The following TENM3 variants were observed in gnomAD, a reference collection of about 807,000 sequenced individuals.
The protein encoded by TENM3 is teneurin transmembrane protein 3.
A neutral mutation model predicts 255.1 loss-of-function variants in TENM3; 63 were observed. The ratio of observed to expected loss-of-function variants is 0.25; its 90% confidence interval spans 0.20 to 0.30. The LOEUF (loss-of-function observed/expected upper bound fraction) is 0.30. Ranked by LOEUF, TENM3 falls within the 10% of genes least tolerant of loss-of-function variation. TENM3 has a pLI of 1.00. For missense variants in TENM3, 2,929 were observed against 3,461.1 expected (o/e 0.85, Z 3.86); for synonymous variants, 1,306 against 1,322.3 (o/e 0.99, Z 0.27).
At position 182,259,742 on chromosome 4, in the gene TENM3, A is replaced by G. The variant is rs568255339; in HGVS notation, c.-76+16266A>G. 2.7e-5 allele frequency among the ~76,000 whole-genome samples: 4 copies of G among 149,136 alleles called. No homozygotes were observed. In the East Asian group the frequency reaches 7.9e-4, roughly 30 times the overall value. On this transcript the variant is annotated intron_variant, in intron 1 of 27. Transcript: ENST00000511685. The stretch of plus-strand genomic sequence containing the variant: ...AACTGGGATATCCATCACCTTAAAT[A>G]GTTGTCTTTTCTTTATGCTGGAAAT...
In TENM3 at chr4:182,672,997, A is replaced by G; in HGVS notation, c.1112-8A>G. On this transcript the variant is annotated splice_polypyrimidine_tract_variant and splice_region_variant and intron_variant, in intron 6 of 27. Transcript: ENST00000511685. The stretch of plus-strand genomic sequence containing the variant: ...TTTGTTCTTCATCAGTGCATCTCTT[A>G]CATTCAGGAAAATTAGGTGGATTTA... The G allele has an allele frequency of 1.3e-6, 2 of 1,561,600 alleles. No homozygotes were observed. The highest frequency in any genetic ancestry group is 1.7e-6 in the Non-Finnish European group (2 of 1,148,226).
intron 5 of TENM3, among the ~76,000 whole-genome samples, chr4:182,650,483 C>T (rs573538334): frequency 6.7e-6 from 1 of 150,114 alleles, no homozygotes; most frequent in Non-Finnish European, 1.5e-5. Context: ...TTTTATTTGG[C>T]GAATTTTCCC....
chr4:182,306,979 C>T (rs183519722), intron 1 of TENM3, among the ~76,000 whole-genome samples: 1 of 152,316 alleles, frequency 6.6e-6, no homozygotes, highest in Admixed American at 6.5e-5. Context: ...GTCTCATTTA[C>T]ATCACAGCAA....
At position 182,752,049 on chromosome 4, in the gene TENM3, A is replaced by T; in HGVS notation, c.3862+17A>T. On this transcript the variant is annotated intron_variant, in intron 20 of 27. Coordinates refer to ENST00000511685, the MANE Select transcript of TENM3 (RefSeq NM_001080477.4). The stretch of plus-strand genomic sequence containing the variant: ...GTCCCAAAGGTACCGGCAGTTGGCG[A>T]TTTGAGGATTTCTTTTTATTTATTA... 2 of 1,331,766 alleles carry T rather than the reference A, an allele frequency of 1.5e-6. No individual in the cohort carries two copies. The highest frequency in any genetic ancestry group is 2.0e-6 in the Non-Finnish European group (2 of 987,748). 82.5% of individuals were successfully genotyped at this position (1,331,766 alleles called of 1,614,324 possible).
chr4:181,722,464 T>C, the TENM3 span, among the ~76,000 whole-genome samples: 2 of 152,202 alleles, frequency 1.3e-5, no homozygotes, highest in Non-Finnish European at 2.9e-5. Flanking sequence ...ACATTGACTA[T>C]AGACCACTCT....
the TENM3 span, among the ~76,000 whole-genome samples, chr4:181,803,833 G>T: frequency 6.6e-6 from 1 of 151,740 alleles, no homozygotes; most frequent in African/African-American, 2.4e-5. Context: ...CTACTTGGGA[G>T]GCTGAGATGG....
At chr4:181,619,971 A>G in the TENM3 span, among the ~76,000 whole-genome samples, 1 of 152,178 alleles carries the variant, frequency 6.6e-6, no homozygotes, top group Non-Finnish European at 1.5e-5. Context: ...TTGATGTGTA[A>G]CAAACTATAT....
At chr4:181,452,483 G>T in the TENM3 span, among the ~76,000 whole-genome samples, 1 of 152,022 alleles carries the variant, frequency 6.6e-6, no homozygotes, top group Non-Finnish European at 1.5e-5. Context: ...GAGATCTGAT[G>T]GTTGTGTAAG....
the TENM3 span, among the ~76,000 whole-genome samples, chr4:182,043,746 GTGTGTTTTCTGCTATAAA>G: frequency 6.6e-6 from 1 of 152,184 alleles, no homozygotes; most frequent in South Asian, 2.1e-4. Flanking sequence ...GTAATCAACT[GTGTGTTTTCTGCTATAAA>G]AATATAACTC....
chr4:182,698,320 T>C (rs144873581), intron 12 of TENM3, among the ~76,000 whole-genome samples: 1 of 152,318 alleles, frequency 6.6e-6, no homozygotes, highest in Non-Finnish European at 1.5e-5. Flanking sequence ...TGGTAGTAAT[T>C]TGGACTCTTC....
chr4:182,410,668 G>A (rs1444920062), intron 3 of TENM3, among the ~76,000 whole-genome samples: 1 of 152,056 alleles, frequency 6.6e-6, no homozygotes, highest in Non-Finnish European at 1.5e-5. Flanking sequence ...AGAGATGAGA[G>A]GCCAACAGCA....
At chr4:181,776,905 CT>C in the TENM3 span, among the ~76,000 whole-genome samples, 1 of 151,994 alleles carries the variant, frequency 6.6e-6, no homozygotes, top group African/African-American at 2.4e-5. Context: ...TGATTATTTC[CT>C]TTGCTGTGCA....
chr4:182,682,316 C>G (rs1756239368), intron 11 of TENM3, among the ~76,000 whole-genome samples: 1 of 152,098 alleles, frequency 6.6e-6, no homozygotes, highest in Non-Finnish European at 1.5e-5. Flanking sequence ...ACTAACCTCT[C>G]TAAAATCTTA....
At chr4:182,616,693 A>T (rs1406371192) in intron 4 of TENM3, among the ~76,000 whole-genome samples, 1 of 151,916 alleles carries the variant, frequency 6.6e-6, no homozygotes, top group Non-Finnish European at 1.5e-5. Context: ...CTTTCAGTTC[A>T]GGAATCTTAC....
At chr4:182,623,466 C>G (rs542695910) in intron 4 of TENM3, among the ~76,000 whole-genome samples, 9 of 138,828 alleles carry the variant, frequency 6.5e-5, no homozygotes, top group Admixed American at 2.2e-4. Flanking sequence ...TCACATCTGG[C>G]TAATTTTTTG....
the TENM3 span, among the ~76,000 whole-genome samples, chr4:182,091,936 T>C: frequency 2.0e-5 from 3 of 152,150 alleles, no homozygotes; most frequent in African/African-American, 7.2e-5. Flanking sequence ...TCGATTTTGT[T>C]CTTTAAAAGA....
intron 4 of TENM3, among the ~76,000 whole-genome samples, chr4:182,612,741 A>C (rs1010892620): frequency 6.0e-5 from 5 of 83,750 alleles, no homozygotes; most frequent in African/African-American, 2.0e-4. Flanking sequence ...TTTATAATAC[A>C]CACAGACACA....
the TENM3 span, among the ~76,000 whole-genome samples, chr4:181,695,130 A>G: frequency 2.6e-5 from 4 of 152,208 alleles, no homozygotes; most frequent in African/African-American, 4.8e-5. Context: ...CATCCTAAAA[A>G]TGCTATTAAT....
the TENM3 span, among the ~76,000 whole-genome samples, chr4:181,545,338 C>T: frequency 1.3e-5 from 2 of 152,124 alleles, no homozygotes; most frequent in Admixed American, 1.3e-4. Flanking sequence ...AACACTTTTA[C>T]TAGTCCGTGG....
Sources: allele counts gnomAD v4.1 joint callset (sites outside exome capture counted in the v4.1 genomes callset), GRCh38; gene constraint gnomAD v4.1.1; transcripts MANE v1.5; gene names NCBI Gene and HGNC (gene_info 2026-07-23, HGNC 2026-07-21).